The following ZFHX4 variants were observed in gnomAD, a reference collection of about 807,000 sequenced individuals.
ZFHX4 encodes zinc finger homeobox 4, also known as zinc finger homeobox protein 4.
Under a neutral mutation model 267.6 loss-of-function variants are expected in ZFHX4, and 56 were observed. The ratio of observed to expected loss-of-function variants is 0.21; its 90% confidence interval spans 0.17 to 0.26. The LOEUF is 0.26. Among genes scored for constraint, ZFHX4 ranks in the 10% least tolerant of loss-of-function variants. The probability of loss-of-function intolerance (pLI) is 1.00; values close to 1 mark genes in which losing one functional copy is unlikely to be tolerated. For synonymous variants in ZFHX4, 1,778 were observed against 1,665.6 expected, an observed-to-expected ratio of 1.07 and a Z score of -1.64; for missense variants, 4,332 against 4,420.0, an observed-to-expected ratio of 0.98 and a Z score of 0.56.
chr8:76,842,789 T>C lies in ZFHX4; in HGVS notation c.3511+18T>C. On this transcript the variant is annotated intron_variant, in intron 6 of 10. Transcript: ENST00000651372. ...AGACTCTGGTAAGATGCAAGAATCT[T>C]TCACCTCGGCATTTCCCTATACCCA... 1 of 1,528,404 alleles carries C rather than the reference T, an allele frequency of 6.5e-7. No individual in the cohort carries two copies. The highest frequency in any genetic ancestry group is 8.9e-7 in the Non-Finnish European group (1 of 1,127,122). 94.7% of individuals were successfully genotyped at this position (1,528,404 alleles called of 1,614,324 possible).
intron 1 of ZFHX4, among the ~76,000 whole-genome samples, chr8:76,686,103 T>C (rs1329440206): frequency 6.6e-6 from 1 of 152,222 alleles, no homozygotes; most frequent in African/African-American, 2.4e-5. Context: ...TGTTTTATGG[T>C]CTTAAACCCT....
intron 4 of ZFHX4, among the ~76,000 whole-genome samples, chr8:76,781,522 G>C (rs1162277569): frequency 6.6e-6 from 1 of 151,950 alleles, no homozygotes; most frequent in Non-Finnish European, 1.5e-5. Flanking sequence ...ATACAAGCCT[G>C]GTTCTTAAAC....
chr8:76,756,942 C>A (rs1326608181), intron 3 of ZFHX4, among the ~76,000 whole-genome samples: 1 of 151,996 alleles, frequency 6.6e-6, no homozygotes, highest in East Asian at 1.9e-4. Flanking sequence ...TCATATTTTC[C>A]TCTGCATTTA....
chr8:76,797,882 C>CTATATGTGTGTG (rs752887213), intron 4 of ZFHX4, among the ~76,000 whole-genome samples: 27 of 135,568 alleles, frequency 2.0e-4, no homozygotes, highest in Admixed American at 6.7e-4. Context: ...GGGTGTGTGT[C>CTATATGTGTGTG]TGTATGTGTG....
chr8:76,764,760 CTTTG>C (rs1478432106), intron 3 of ZFHX4, among the ~76,000 whole-genome samples: 3 of 152,124 alleles, frequency 2.0e-5, no homozygotes, highest in Non-Finnish European at 2.9e-5. Context: ...CGTTGCCATT[CTTTG>C]TTTAACTTCA....
chr8:76,855,309 T>C lies in ZFHX4; in HGVS notation c.8388T>C (p.Asn2796=). ...CTGCTGAGGCTGGGTATGATCAAAA[T>C]AAAACCGATTTTGATGAGACTTCAT... The part of the protein sequence containing the change: ...APPAEAGYDQ[N]KTDFDETSSI... The change falls in exon 10 of 11, where the codon AAT becomes AAC. Residue 2796 remains asparagine, a synonymous_variant. Transcript: ENST00000651372. The C allele has an allele frequency of 1.2e-6, 2 of 1,613,646 alleles. No homozygotes were observed. Among genetic ancestry groups the C allele is most frequent in the Non-Finnish European group, 1.7e-6 (2 of 1,179,800 alleles).
intron 4 of ZFHX4, among the ~76,000 whole-genome samples, chr8:76,824,209 T>A (rs909451293): frequency 6.6e-6 from 1 of 152,228 alleles, no homozygotes; most frequent in Non-Finnish European, 1.5e-5. Flanking sequence ...TATCTATCTT[T>A]GGTTTCATTA....
intron 5 of ZFHX4, among the ~76,000 whole-genome samples, chr8:76,841,432 A>G (rs1292467559): frequency 6.6e-6 from 1 of 152,194 alleles, no homozygotes; most frequent in African/African-American, 2.4e-5. Flanking sequence ...TAGCATTTGC[A>G]ATGAAAATTT....
At position 76,851,911 on chromosome 8, in the gene ZFHX4, C is replaced by T. The variant is rs1812537909; in HGVS notation, c.4990C>T (p.His1664Tyr). ...AGCAGCTGTAAACAGCAAAGATACC[C>T]ATTTAGATGCCAAAGAATTAAATAA... The part of the protein sequence containing the change: ...SLAAVNSKDT[H>Y]LDAKELNKKQ... The change falls in exon 10 of 11, where the codon CAT (histidine) becomes TAT (tyrosine). Residue 1664 changes from histidine to tyrosine, a missense_variant. By Grantham distance (83) the His-to-Tyr change is moderately conservative (BLOSUM62 2). This residue lies in a region of ZFHX4 where 1,371 missense variants were observed against 1,423.1 expected (regional missense o/e 0.96). Transcript: ENST00000651372. The T allele has an allele frequency of 1.9e-6, 3 of 1,613,880 alleles. No homozygotes were observed. Among genetic ancestry groups the T allele is most frequent in the Non-Finnish European group, 2.5e-6 (3 of 1,179,890 alleles).
intron 6 of ZFHX4, among the ~76,000 whole-genome samples, chr8:76,844,370 A>G (rs918465372): frequency 2.6e-5 from 4 of 152,128 alleles, no homozygotes; most frequent in Non-Finnish European, 5.9e-5. Flanking sequence ...GTGTTAATTC[A>G]ATGCCCATGT....
chr8:76,818,139 T>G (rs1180895413), intron 4 of ZFHX4, among the ~76,000 whole-genome samples: 1 of 152,150 alleles, frequency 6.6e-6, no homozygotes, highest in Non-Finnish European at 1.5e-5. Flanking sequence ...ACATTGAAAC[T>G]GGGATTTGAT....
At chr8:76,840,777 G>A (rs930407226) in intron 5 of ZFHX4, among the ~76,000 whole-genome samples, 7 of 152,128 alleles carry the variant, frequency 4.6e-5, no homozygotes, top group African/African-American at 1.4e-4. Flanking sequence ...GTCATAGGTC[G>A]CGAACTAGAG....
chr8:76,720,426 T>G (rs1808688088), intron 3 of ZFHX4, among the ~76,000 whole-genome samples: 1 of 152,188 alleles, frequency 6.6e-6, no homozygotes, highest in East Asian at 1.9e-4. Flanking sequence ...GCTGGACATT[T>G]GGGTCGTTTC....
chr8:76,726,684 T>C (rs1808862933), intron 3 of ZFHX4, among the ~76,000 whole-genome samples: 1 of 152,166 alleles, frequency 6.6e-6, no homozygotes, highest in African/African-American at 2.4e-5. Context: ...GTTAAAATTA[T>C]ATGCACGTTG....
chr8:76,833,283 A>G (rs145555370), intron 4 of ZFHX4, 55 bp from the exon 5 acceptor site: 23 of 1,495,982 alleles, frequency 1.5e-5, no homozygotes, highest in Non-Finnish European at 1.9e-5. Context: ...ATTAGCCATG[A>G]TGAGAGAGCT....
intron 6 of ZFHX4, among the ~76,000 whole-genome samples, chr8:76,844,254 G>A (rs368995535): frequency 6.6e-6 from 1 of 152,100 alleles, no homozygotes; most frequent in African/African-American, 2.4e-5. Context: ...AGAGGGCAAG[G>A]TTCTGTCTGT....
At chr8:76,841,178 T>C (rs1212082368) in intron 5 of ZFHX4, among the ~76,000 whole-genome samples, 1 of 152,192 alleles carries the variant, frequency 6.6e-6, no homozygotes, top group Non-Finnish European at 1.5e-5. Flanking sequence ...TTATTTTGAA[T>C]GTATTAAATG....
chr8:76,766,348 C>T (rs1260411572), intron 3 of ZFHX4, among the ~76,000 whole-genome samples: 2 of 152,082 alleles, frequency 1.3e-5, no homozygotes, highest in Admixed American at 6.6e-5. Flanking sequence ...CCTAATCAAA[C>T]CAACACATTT....
At chr8:76,735,299 T>G (rs1258860542) in intron 3 of ZFHX4, among the ~76,000 whole-genome samples, 5 of 152,028 alleles carry the variant, frequency 3.3e-5, no homozygotes, top group African/African-American at 1.2e-4. Context: ...GCTTAGAAAA[T>G]TCATCACAAT....
Sources: allele counts gnomAD v4.1 joint callset (sites outside exome capture counted in the v4.1 genomes callset), GRCh38; gene constraint gnomAD v4.1.1; regional missense constraint gnomAD v4.1.1; transcripts MANE v1.5; gene names NCBI Gene and HGNC (gene_info 2026-07-23, HGNC 2026-07-21).